KCTD20: variants seen among roughly 807,000 people sequenced by gnomAD.
KCTD20 encodes the protein BTB/POZ domain-containing protein KCTD20.
KCTD20 carries 30 observed loss-of-function variants against 39.6 expected under a neutral mutation model. The ratio of observed to expected loss-of-function variants is 0.76; its 90% CI spans 0.57 to 1.03. The LOEUF is 1.03. KCTD20 is among the 50% of genes least tolerant of loss of function. The pLI is 0.00. For missense variants in KCTD20, 422 were observed against 522.0 expected (o/e 0.81, Z 1.87); for synonymous variants, 162 against 180.6 (o/e 0.90, Z 0.83).
chr6:36,475,050 C>G lies in KCTD20; in HGVS notation c.422C>G (p.Thr141Ser). The G allele has an allele frequency of 6.2e-7, 1 of 1,613,634 alleles. No individual in the cohort carries two copies. Among genetic ancestry groups the G allele is most frequent in the Non-Finnish European group, 8.5e-7 (1 of 1,179,724 alleles). ...NPQIFTAHPD[T>S]MLGRMFGPGR... ...CAGATTTTCACTGCTCATCCGGATA[C>G]CATGCTGGGAAGGTAACTGATGATA... Residue 141 changes from threonine to serine, a missense_variant, in exon 3 of 8, where the codon ACC becomes AGC. By Grantham distance (58) the Thr-to-Ser change is moderately conservative (BLOSUM62 1). Coordinates refer to ENST00000373731, the MANE Select transcript of KCTD20 (RefSeq NM_173562.5).
chr6:36,465,482 ATAAT>A (rs1640295032), intron 1 of KCTD20: 1 of 151,636 alleles, frequency 6.6e-6, no homozygotes, highest in Non-Finnish European at 1.5e-5. Flanking sequence ...TTCTTCAGAA[ATAAT>A]TGATTAGGAG....
At position 36,454,641 on chromosome 6, in the gene KCTD20, C is replaced by CT. The variant is rs937567626; in HGVS notation, c.-47+11542dup. On this transcript the variant is annotated intron_variant, in intron 1 of 7. Transcript: ENST00000373731. Reference sequence around the variant, plus strand: ...ACAGGCGTGAGCCACTGTGCCCAGCCTTTTTTTTTTTTCTTGAGTCGGAGT... The same window carrying CT: ...ACAGGCGTGAGCCACTGTGCCCAGCCTTTTTTTTTTTTTCTTGAGTCGGAGT... Among the ~76,000 whole-genome samples, 876 of 142,924 alleles carry CT rather than the reference C, an allele frequency of 6.1e-3. 3 individuals are homozygous for CT. Among genetic ancestry groups the CT allele is most frequent in the African/African-American group, 0.014 (535 of 39,088 alleles). The allele number at this position is 142,924 out of a possible 152,430, so 93.8% of individuals were successfully genotyped here.
At chr6:36,451,975 T>C (rs1387943132) in intron 1 of KCTD20, among the ~76,000 whole-genome samples, 2 of 152,150 alleles carry the variant, frequency 1.3e-5, no homozygotes, top group Non-Finnish European at 1.5e-5. Context: ...CATGCCCAGC[T>C]AATTTTTGTA....
chr6:36,446,024 GTTTTT>G (rs553882182), intron 1 of KCTD20, among the ~76,000 whole-genome samples: 1 of 126,538 alleles, frequency 7.9e-6, no homozygotes, highest in Non-Finnish European at 1.6e-5. Context: ...TATGAACTCA[GTTTTT>G]TTTTTTTTTC....
intron 1 of KCTD20, among the ~76,000 whole-genome samples, chr6:36,462,316 T>C (rs971627273): frequency 8.5e-5 from 13 of 152,226 alleles, no homozygotes; most frequent in African/African-American, 3.1e-4. Context: ...CATTTCGCTT[T>C]TGGGTTTTGG....
At chr6:36,480,311 C>G (rs1298193762) in intron 5 of KCTD20, among the ~76,000 whole-genome samples, 7 of 151,824 alleles carry the variant, frequency 4.6e-5, no homozygotes. Flanking sequence ...GGTGTCTCGA[C>G]TCTAACAAAC....
chr6:36,459,913 T>A (rs184172502), intron 1 of KCTD20, among the ~76,000 whole-genome samples: 1 of 152,372 alleles, frequency 6.6e-6, no homozygotes, highest in Admixed American at 6.5e-5. Context: ...CTGTATTTAC[T>A]AATATACTTT....
At chr6:36,478,819 C>G (rs1415491329) in intron 3 of KCTD20, among the ~76,000 whole-genome samples, 1 of 152,180 alleles carries the variant, frequency 6.6e-6, no homozygotes, top group Non-Finnish European at 1.5e-5. Context: ...CAAGGGCCAC[C>G]TCTGCAGTTG....
At chr6:36,459,116 A>T (rs1052416255) in intron 1 of KCTD20, among the ~76,000 whole-genome samples, 6 of 152,218 alleles carry the variant, frequency 3.9e-5, no homozygotes, top group African/African-American at 1.4e-4. Flanking sequence ...GTTTGAGACC[A>T]GCCTGGCCAA....
Position 36,490,055 on chromosome 6 carries a change from G to A in KCTD20, c.*2880G>A, listed in dbSNP as rs1443849996. 2 of 152,188 alleles carry A rather than the reference G, an allele frequency of 1.3e-5. No homozygotes were observed. Among genetic ancestry groups the A allele is most frequent in the East Asian group, 3.8e-4 (2 of 5,200 alleles). The allele number at this position is 152,188 out of a possible 1,614,324, so 9.4% of individuals were successfully genotyped here. On this transcript the variant is annotated 3_prime_UTR_variant, in exon 8 of 8. Transcript: ENST00000373731. ...TTAAATCCCAAGAGAACAGTGTGAT[G>A]TCTAATATATACAGGTCTATGAAAA...
chr6:36,446,524 C>A (rs1182553344), intron 1 of KCTD20, among the ~76,000 whole-genome samples: 2 of 152,090 alleles, frequency 1.3e-5, no homozygotes, highest in Non-Finnish European at 2.9e-5. Context: ...TGGTGGCTTA[C>A]GCCTGTAATC....
At chr6:36,448,015 G>GTATATATATATA (rs70975158) in intron 1 of KCTD20, among the ~76,000 whole-genome samples, 2 of 128,946 alleles carry the variant, frequency 1.6e-5, no homozygotes, top group African/African-American at 6.9e-5. Flanking sequence ...ATGTGTGTGT[G>GTATATATATATA]TATATATATA....
intron 1 of KCTD20, among the ~76,000 whole-genome samples, chr6:36,447,263 C>T (rs1038502983): frequency 2.0e-5 from 3 of 152,156 alleles, no homozygotes; most frequent in Non-Finnish European, 4.4e-5. Flanking sequence ...TGAGTTAATT[C>T]ATGTAAAGTT....
At chr6:36,464,123 T>C (rs1328274171) in intron 1 of KCTD20, among the ~76,000 whole-genome samples, 1 of 152,178 alleles carries the variant, frequency 6.6e-6, no homozygotes. Context: ...TGGGATATGC[T>C]TTAAGGACAA....
intron 2 of KCTD20, among the ~76,000 whole-genome samples, chr6:36,470,682 G>A (rs1026749326): frequency 1.3e-5 from 2 of 151,998 alleles, no homozygotes; most frequent in African/African-American, 4.8e-5. Flanking sequence ...GCTCACTGCA[G>A]CTCTGCCTCC....
In KCTD20 at chr6:36,470,203, C is replaced by T. The variant is rs1463847766; in HGVS notation, c.106C>T (p.Leu36=). The T allele has an allele frequency of 1.2e-6, 2 of 1,614,002 alleles. No homozygotes were observed. Among genetic ancestry groups the T allele is most frequent in the African/African-American group, 2.7e-5 (2 of 74,910 alleles). ...AVAQEKEANS[L]ASSGPHNLTY... ...AGCCCAAGAAAAAGAAGCAAACAGC[C>T]TGGCTTCATCTGGTCCTCATAATCT... Residue 36 remains leucine, a synonymous_variant, in exon 2 of 8, where the codon CTG becomes TTG. Coordinates refer to ENST00000373731, the MANE Select transcript of KCTD20 (RefSeq NM_173562.5).
At chr6:36,459,798 A>G (rs777473954) in intron 1 of KCTD20, among the ~76,000 whole-genome samples, 3 of 152,226 alleles carry the variant, frequency 2.0e-5, no homozygotes, top group Non-Finnish European at 4.4e-5. Flanking sequence ...AATTTTCTAC[A>G]TGTTAGCTCT....
intron 1 of KCTD20, chr6:36,465,649 A>G (rs1385842128): frequency 1.3e-5 from 2 of 152,146 alleles, no homozygotes; most frequent in Admixed American, 6.6e-5. Context: ...CTGTATATAC[A>G]TTTTCCAAGA....
chr6:36,444,168 G>A (rs1458562543), intron 1 of KCTD20, among the ~76,000 whole-genome samples: 1 of 152,146 alleles, frequency 6.6e-6, no homozygotes, highest in Admixed American at 6.6e-5. Context: ...GGGTCCCTGA[G>A]TCTGGGATTT....
Sources: allele counts gnomAD v4.1 joint callset (sites outside exome capture counted in the v4.1 genomes callset), GRCh38; gene constraint gnomAD v4.1.1; transcripts MANE v1.5; gene names NCBI Gene and HGNC (gene_info 2026-07-23, HGNC 2026-07-21).